TG: variants seen among roughly 807,000 people sequenced by gnomAD.
TG encodes thyroglobulin.
In TG, 270 loss-of-function variants were observed where a neutral mutation model predicts 324.7. The ratio of observed to expected loss-of-function variants is 0.83; its 90% CI spans 0.75 to 0.92. The LOEUF (loss-of-function observed/expected upper bound fraction) is 0.92, where lower values mean the gene tolerates loss of function less well. Ranked by LOEUF, TG falls within the 40% of genes least tolerant of loss-of-function variation. The pLI is 0.00. For missense variants in TG, 3,591 were observed against 3,456.4 expected, an observed-to-expected ratio of 1.04 and a Z score of -0.98; for synonymous variants, 1,401 against 1,327.0, an observed-to-expected ratio of 1.06 and a Z score of -1.21.
chr8:132,986,380 G>GTGTATATA (rs1564041432), intron 35 of TG, among the ~76,000 whole-genome samples: 1 of 44,192 alleles, frequency 2.3e-5, no homozygotes, highest in Non-Finnish European at 7.7e-5. Flanking sequence ...GTATATATAT[G>GTGTATATA]TGTGTATATA....
In TG at chr8:133,096,602, G is replaced by A. The variant is rs146219554; in HGVS notation, c.7572+229G>A. 9.2e-5 allele frequency among the ~76,000 whole-genome samples: 14 copies of A among 152,256 alleles called. No individual in the cohort carries two copies. In the East Asian group the frequency reaches 2.7e-3, roughly 29 times the overall value. On this transcript the variant is annotated intron_variant, in intron 43 of 47. Coordinates refer to ENST00000220616, the MANE Select transcript of TG (RefSeq NM_003235.5). ...ATTACAGCTGTGAATGAATCGCTGT[G>A]GAAAACTGGAGCTGACCCAGAAGCT...
chr8:132,932,552 G>A (rs1822873966), intron 23 of TG, among the ~76,000 whole-genome samples: 1 of 152,188 alleles, frequency 6.6e-6, no homozygotes, highest in Non-Finnish European at 1.5e-5. Context: ...AAAGTGCTTT[G>A]TAATGATAAA....
intron 26 of TG, among the ~76,000 whole-genome samples, chr8:132,944,650 T>G (rs1307526822): frequency 6.6e-6 from 1 of 152,132 alleles, no homozygotes; most frequent in East Asian, 1.9e-4. Context: ...ACATAGACAC[T>G]TGTGCTCTAC....
At chr8:133,073,503 AG>A in intron 41 of TG, among the ~76,000 whole-genome samples, 1 of 152,110 alleles carries the variant, frequency 6.6e-6, no homozygotes, top group Non-Finnish European at 1.5e-5. Flanking sequence ...CTGGGATTAC[AG>A]GCACCCGCCA....
chr8:133,030,665 G>A (rs1434403258), intron 41 of TG, among the ~76,000 whole-genome samples: 1 of 152,208 alleles, frequency 6.6e-6, no homozygotes, highest in Non-Finnish European at 1.5e-5. Context: ...TGTCATTACT[G>A]GGGGTTGAGG....
chr8:132,919,554 G>A (rs1563955871), intron 21 of TG, 29 bp downstream of exon 21: 1 of 1,612,530 alleles, frequency 6.2e-7, no homozygotes. Flanking sequence ...TTCTTTGAAA[G>A]AAAAGCCCTG....
intron 41 of TG, among the ~76,000 whole-genome samples, chr8:133,055,359 ACGCGCG>A (rs150703045): frequency 0.028 from 2,413 of 86,700 alleles, 32 homozygotes; most frequent in African/African-American, 0.084. Context: ...ACACACACGC[ACGCGCG>A]CACACACACA....
At chr8:132,906,558 T>A (rs564781045) in intron 16 of TG, 130 bp from the exon 17 acceptor site, 1 of 1,059,522 alleles carries the variant, frequency 9.4e-7, no homozygotes, top group Non-Finnish European at 1.4e-6. Flanking sequence ...CCCTGAGAGC[T>A]TGACAGGTCC....
intron 16 of TG, among the ~76,000 whole-genome samples, chr8:132,905,458 C>T (rs1381315018): frequency 6.6e-6 from 1 of 152,186 alleles, no homozygotes; most frequent in African/African-American, 2.4e-5. Context: ...TTTGAAGCCC[C>T]TGAATACCCT....
intron 32 of TG, 95 bp from the exon 33 acceptor site, chr8:132,971,699 T>G: frequency 2.3e-6 from 2 of 859,146 alleles, no homozygotes; most frequent in Non-Finnish European, 4.0e-6. Context: ...AATAAGCTAG[T>G]TCCCCAAAGC....
intron 45 of TG, among the ~76,000 whole-genome samples, chr8:133,124,208 G>A (rs1348052462): frequency 1.3e-5 from 2 of 152,188 alleles, no homozygotes; most frequent in Non-Finnish European, 2.9e-5. Flanking sequence ...ATGAGACTGA[G>A]TGTGTGCTAT....
intron 41 of TG, among the ~76,000 whole-genome samples, chr8:133,083,776 A>G (rs772570640): frequency 6.6e-6 from 1 of 152,154 alleles, no homozygotes; most frequent in Non-Finnish European, 1.5e-5. Flanking sequence ...GGGTTCCAGA[A>G]TCTAAGCAGG....
intron 17 of TG, among the ~76,000 whole-genome samples, chr8:132,907,386 G>C (rs2132338279): frequency 6.6e-6 from 1 of 152,314 alleles, no homozygotes; most frequent in Middle Eastern, 3.4e-3. Context: ...TAGGGCATCA[G>C]TCCTGATTGC....
intron 40 of TG, 81 bp downstream of exon 40, chr8:133,022,231 T>C: frequency 1.3e-6 from 2 of 1,584,578 alleles, no homozygotes; most frequent in Non-Finnish European, 1.7e-6. Flanking sequence ...ATCCCCTCAC[T>C]GCCCCTGCTC....
chr8:133,070,061 G>T (rs1843765135), intron 41 of TG, among the ~76,000 whole-genome samples: 1 of 146,356 alleles, frequency 6.8e-6, no homozygotes, highest in Non-Finnish European at 1.5e-5. Context: ...AGAAAAGAAA[G>T]GAACTGAAGA....
chr8:133,106,394 C>T (rs1849811485), intron 43 of TG: 11 of 985,246 alleles, frequency 1.1e-5, no homozygotes, highest in Non-Finnish European at 1.3e-5. Context: ...GCTCTGTGTT[C>T]CATGCTCTCT....
At chr8:133,126,206 T>A (rs1851505802) in intron 45 of TG, among the ~76,000 whole-genome samples, 1 of 152,214 alleles carries the variant, frequency 6.6e-6, no homozygotes, top group African/African-American at 2.4e-5. Context: ...GAGTTCTGCC[T>A]TTGAACTTCT....
chr8:132,888,354 A>T lies in TG; in HGVS notation c.2547A>T (p.Ala849=), dbSNP rs1815724502. The T allele has an allele frequency of 1.2e-6, 2 of 1,614,188 alleles. No homozygotes were observed. The highest frequency in any genetic ancestry group is 1.1e-5 in the South Asian group (1 of 91,086). The change falls in exon 10 of 48, where the codon GCA becomes GCT. Residue 849 remains alanine, a synonymous_variant. Coordinates refer to ENST00000220616, the MANE Select transcript of TG (RefSeq NM_003235.5). ...YPSLQDVPLA[A]LEGKRPQPRE... ...CTCTGCAAGATGTCCCACTAGCAGC[A>T]CTGGAAGGGAAACGGCCCCAGCCCA...
intron 26 of TG, 58 bp from the exon 27 acceptor site, chr8:132,948,718 G>T: frequency 1.3e-6 from 2 of 1,572,026 alleles, no homozygotes; most frequent in Non-Finnish European, 1.7e-6. Flanking sequence ...GGACAGAGAA[G>T]AGTCTCTAAA....
Sources: gnomAD v4.1 joint callset for allele counts (sites outside exome capture counted in the v4.1 genomes callset) on GRCh38, gnomAD v4.1.1 for gene constraint, MANE v1.5 for transcripts, NCBI Gene and HGNC (gene_info 2026-07-23, HGNC 2026-07-21) for gene names.